ARHGAP12: variants seen among roughly 807,000 people sequenced by gnomAD.
ARHGAP12 encodes the protein Rho GTPase activating protein 12, also known as rho GTPase-activating protein 12.
In ARHGAP12, 64 loss-of-function variants were observed where a neutral mutation model predicts 108.6. The observed-to-expected ratio is 0.59, with a 90% CI of 0.48 to 0.73. The LOEUF (loss-of-function observed/expected upper bound fraction) is 0.73, where lower values mean the gene tolerates loss of function less well. Among genes scored for constraint, ARHGAP12 ranks in the 30% least tolerant of loss-of-function variants. ARHGAP12 has a pLI of 0.00. For synonymous variants in ARHGAP12, 312 were observed against 337.2 expected (o/e 0.93, Z 0.82); for missense variants, 940 against 1,005.9 (o/e 0.93, Z 0.89).
In ARHGAP12 at chr10:31,861,607, G is replaced by A. The variant is rs1592303483; in HGVS notation, c.736C>T (p.Leu246Phe). The A allele has an allele frequency of 1.2e-6, 2 of 1,614,080 alleles. No individual in the cohort carries two copies. Among genetic ancestry groups the A allele is most frequent in the Non-Finnish European group, 1.7e-6 (2 of 1,179,974 alleles). ...GACTGGGATATTTTCAGTTCTTGAAGGTTAGCATAGACAGGAGAATCTGGC... is the reference window on the plus strand; with the variant it reads ...GACTGGGATATTTTCAGTTCTTGAAAGTTAGCATAGACAGGAGAATCTGGC... ...GRPDSPVYAN[L>F]QELKISQSAL... The change falls in exon 4 of 20, where the codon CTT (leucine) becomes TTT (phenylalanine). Residue 246 changes from leucine to phenylalanine, a missense_variant. Physicochemically the swap from Leu to Phe is conservative, Grantham distance 22. Coordinates refer to ENST00000344936, the MANE Select transcript of ARHGAP12 (RefSeq NM_018287.7).
At chr10:31,874,282 T>C (rs1262425915) in intron 3 of ARHGAP12, among the ~76,000 whole-genome samples, 3 of 152,214 alleles carry the variant, frequency 2.0e-5, no homozygotes, top group African/African-American at 7.2e-5. Context: ...ATTCTTTTTT[T>C]GTTTAATTTC....
chr10:31,895,206 A>C (rs1838628413), intron 3 of ARHGAP12, among the ~76,000 whole-genome samples: 1 of 152,234 alleles, frequency 6.6e-6, no homozygotes, highest in South Asian at 2.1e-4. Context: ...CTTCATGTCT[A>C]AAACACCAAA....
Position 31,839,694 on chromosome 10 carries a change from T to C in ARHGAP12, c.1314A>G (p.Ser438=). ...DTNDKESPTA[S]KPCFPENESS... The stretch of plus-strand genomic sequence containing the variant: ...ACTCATTTTCAGGAAAGCAGGGTTT[T>C]GAGGCAGTTGGAGATTCCTACAAGA... Residue 438 remains serine, a synonymous_variant, in exon 8 of 20, where the codon TCA becomes TCG. Coordinates refer to ENST00000344936, the MANE Select transcript of ARHGAP12 (RefSeq NM_018287.7). 6.2e-7 allele frequency: 1 copy of C among 1,607,328 alleles called. No individual in the cohort carries two copies. The highest frequency in any genetic ancestry group is 1.7e-4 in the Middle Eastern group (1 of 5,874).
chr10:31,872,636 C>G (rs78942740), intron 3 of ARHGAP12, among the ~76,000 whole-genome samples: 3,616 of 152,280 alleles, frequency 0.024, 156 homozygotes, highest in African/African-American at 0.081. Context: ...GCCCCCATTT[C>G]TTTGCCTCAT....
chr10:31,853,316 C>A (rs1836768182), intron 5 of ARHGAP12, among the ~76,000 whole-genome samples: 1 of 152,146 alleles, frequency 6.6e-6, no homozygotes, highest in Non-Finnish European at 1.5e-5. Flanking sequence ...TTCATGCAAA[C>A]CTTTAGGAAT....
chr10:31,820,561 C>A, intron 11 of ARHGAP12, 73 bp from the exon 12 acceptor site: 2 of 755,618 alleles, frequency 2.6e-6, no homozygotes, highest in South Asian at 2.8e-5. Flanking sequence ...TAATTAAGAA[C>A]AATTTTATAT....
intron 1 of ARHGAP12, among the ~76,000 whole-genome samples, chr10:31,911,018 A>AT (rs1299237525): frequency 2.0e-5 from 3 of 151,950 alleles, no homozygotes; most frequent in Non-Finnish European, 4.4e-5. Flanking sequence ...TATTTTATTT[A>AT]TTTTTTTATC....
intron 1 of ARHGAP12, among the ~76,000 whole-genome samples, chr10:31,915,181 G>A (rs886362852): frequency 6.6e-6 from 1 of 152,152 alleles, no homozygotes; most frequent in Non-Finnish European, 1.5e-5. Flanking sequence ...GAGGTCGGGG[G>A]TTCGAGACCA....
rs953896877 is a variant in ARHGAP12, at chr10:31,905,256, G to A, written c.684+2916C>T. On this transcript the variant is annotated intron_variant, in intron 3 of 19. Transcript: ENST00000344936. The stretch of plus-strand genomic sequence containing the variant: ...GTATAAATTATGTATAAAATTTTGC[G>A]GGGTTTTTTGGTTCTTGTTTTTAGA... Among the ~76,000 whole-genome samples the A allele has an allele frequency of 1.1e-4, 16 of 151,872 alleles. 1 individual carries two copies. The highest frequency in any genetic ancestry group is 3.1e-4 in the African/African-American group (13 of 41,328).
chr10:31,914,982 G>A (rs1452714544), intron 1 of ARHGAP12, among the ~76,000 whole-genome samples: 1 of 152,190 alleles, frequency 6.6e-6, no homozygotes, highest in Non-Finnish European at 1.5e-5. Flanking sequence ...CCTGCCATTC[G>A]CAACAACATG....
intron 3 of ARHGAP12, among the ~76,000 whole-genome samples, chr10:31,874,961 A>G (rs1837671349): frequency 7.9e-6 from 1 of 126,542 alleles, no homozygotes; most frequent in African/African-American, 3.1e-5. Context: ...GTGACAACGC[A>G]AGACTCTGTC....
At position 31,860,227 on chromosome 10, in the gene ARHGAP12, G is replaced by C. The variant is rs576931101; in HGVS notation, c.948+1168C>G. Among the ~76,000 whole-genome samples, 6 of 152,272 alleles carry C rather than the reference G, an allele frequency of 3.9e-5. No homozygotes were observed. The South Asian group carries it at 1.2e-3, about 32-fold the overall frequency. ...GAGTTATTAACTACAAAAAGCTTTT[G>C]GGAGTCTGCTAAATACAAGATGTGT... On this transcript the variant is annotated intron_variant, in intron 4 of 19. Transcript: ENST00000344936.
At chr10:31,920,673 T>C (rs1018313593) in intron 1 of ARHGAP12, among the ~76,000 whole-genome samples, 3 of 126,084 alleles carry the variant, frequency 2.4e-5, no homozygotes. Flanking sequence ...AAAGTTTTTG[T>C]TTTTGTTTTT....
intron 4 of ARHGAP12, among the ~76,000 whole-genome samples, chr10:31,861,165 C>A (rs1837098571): frequency 6.6e-6 from 1 of 152,146 alleles, no homozygotes; most frequent in Non-Finnish European, 1.5e-5. Context: ...CAACTTAAAC[C>A]CAGTTCTGGA....
intron 7 of ARHGAP12, among the ~76,000 whole-genome samples, chr10:31,842,158 G>C (rs1370251743): frequency 1.3e-5 from 2 of 152,078 alleles, no homozygotes; most frequent in East Asian, 1.9e-4. Flanking sequence ...GAAATTTTAA[G>C]CATAAATTAT....
At chr10:31,821,022 G>A (rs1443255570) in intron 11 of ARHGAP12, among the ~76,000 whole-genome samples, 1 of 152,032 alleles carries the variant, frequency 6.6e-6, no homozygotes, top group Non-Finnish European at 1.5e-5. Flanking sequence ...AACAGTATCA[G>A]GTAGATAACA....
At chr10:31,925,905 A>G (rs1840015416) in intron 1 of ARHGAP12, among the ~76,000 whole-genome samples, 1 of 152,258 alleles carries the variant, frequency 6.6e-6, no homozygotes, top group Admixed American at 6.5e-5. Flanking sequence ...TAATTTTCCT[A>G]TTACATGTTA....
intron 9 of ARHGAP12, among the ~76,000 whole-genome samples, chr10:31,838,830 C>CAAAAA: frequency 9.7e-6 from 1 of 102,720 alleles, no homozygotes; most frequent in Non-Finnish European, 1.9e-5. Flanking sequence ...GGCTCCATCT[C>CAAAAA]AAAAAAAAAA....
chr10:31,893,866 G>A (rs543768879), intron 3 of ARHGAP12, among the ~76,000 whole-genome samples: 17 of 152,238 alleles, frequency 1.1e-4, no homozygotes, highest in Non-Finnish European at 1.5e-4. Flanking sequence ...CTGGCAAACC[G>A]AATCCAGCAG....
Sources: allele counts gnomAD v4.1 joint callset (sites outside exome capture counted in the v4.1 genomes callset), GRCh38; gene constraint gnomAD v4.1.1; transcripts MANE v1.5; gene names NCBI Gene and HGNC (gene_info 2026-07-23, HGNC 2026-07-21).